Variants in TSPAN7 observed in about 807,000 individuals in gnomAD.
TSPAN7 encodes the protein tetraspanin-7.
A neutral mutation model predicts 17.6 loss-of-function variants in TSPAN7; 1 was observed. That is an observed-to-expected ratio of 0.06 (90% CI 0.02 to 0.27). The LOEUF is 0.27. Among genes scored for constraint, TSPAN7 ranks in the 10% least tolerant of loss-of-function variants. The pLI is 1.00. For synonymous variants in TSPAN7, 78 were observed against 79.0 expected (o/e 0.99, Z 0.07); for missense variants, 112 against 201.7 (o/e 0.56, Z 2.69).
chrX:38,568,087 G>A (rs1007154611), intron 1 of TSPAN7, among the ~76,000 whole-genome samples: 2 of 111,908 alleles, frequency 1.8e-5, no homozygotes, highest in South Asian at 7.4e-4. Context: ...CACTCAGTCT[G>A]TTCAAACACT....
At chrX:38,644,874 CCT>C (rs2069635794) in intron 1 of TSPAN7, among the ~76,000 whole-genome samples, 1 of 112,038 alleles carries the variant, frequency 8.9e-6, no homozygotes, top group Non-Finnish European at 1.9e-5. Context: ...TCATTGACTC[CCT>C]CTTACAGATG....
At chrX:38,655,980 C>G (rs1021279795) in intron 1 of TSPAN7, 4 of 323,582 alleles carry the variant, frequency 1.2e-5, no homozygotes, top group Non-Finnish European at 2.4e-5. Flanking sequence ...AAAATTGTTA[C>G]GATTCGTTTT....
chrX:38,570,300 T>G (rs1321132030), intron 1 of TSPAN7, among the ~76,000 whole-genome samples: 1 of 111,332 alleles, frequency 9.0e-6, no homozygotes, highest in Non-Finnish European at 1.9e-5. Context: ...TAATCTGGAG[T>G]TTTTTCTTAT....
chrX:38,678,892 A>G (rs2069871911), intron 5 of TSPAN7, among the ~76,000 whole-genome samples: 1 of 111,856 alleles, frequency 8.9e-6, no homozygotes, highest in African/African-American at 3.3e-5. Flanking sequence ...AAAATATGTC[A>G]AAAGCAATAA....
At chrX:38,580,771 G>A (rs1236922957) in intron 1 of TSPAN7, among the ~76,000 whole-genome samples, 2 of 111,770 alleles carry the variant, frequency 1.8e-5, no homozygotes, top group African/African-American at 6.5e-5. Context: ...GAGGTCCAGA[G>A]TGTGCCCCAA....
intron 1 of TSPAN7, among the ~76,000 whole-genome samples, chrX:38,603,448 C>A (rs1366712187): frequency 8.9e-6 from 1 of 112,163 alleles, no homozygotes; most frequent in Non-Finnish European, 1.9e-5. Flanking sequence ...CTTACAAACA[C>A]TTGTGTATAA....
chrX:38,681,999 C>T (rs1387365068), intron 6 of TSPAN7, among the ~76,000 whole-genome samples: 2 of 111,696 alleles, frequency 1.8e-5, no homozygotes, highest in African/African-American at 6.5e-5. Context: ...CTTCTGATCT[C>T]TCAGACAAAT....
At chrX:38,671,016 G>A (rs1387205652) in intron 2 of TSPAN7, among the ~76,000 whole-genome samples, 2 of 111,803 alleles carry the variant, frequency 1.8e-5, no homozygotes, top group African/African-American at 6.5e-5. Flanking sequence ...GTGACCTTCA[G>A]AGCAGTTTGG....
At chrX:38,680,787 C>T (rs1228506223) in intron 5 of TSPAN7, among the ~76,000 whole-genome samples, 1 of 111,429 alleles carries the variant, frequency 9.0e-6, no homozygotes, top group African/African-American at 3.3e-5. Flanking sequence ...ATTTCCTGTT[C>T]AAGGATGCGG....
intron 5 of TSPAN7, among the ~76,000 whole-genome samples, chrX:38,677,067 CT>C (rs769739357): frequency 1.6e-4 from 18 of 111,200 alleles, no homozygotes; most frequent in East Asian, 2.8e-4. Flanking sequence ...GTACCCAAGT[CT>C]TTTTTTTCCC....
rs375789972 is a variant in TSPAN7 at position 38,634,189 on chromosome X, A to T, written c.82-31932A>T. On this transcript the variant is annotated intron_variant, in intron 1 of 7. Transcript: ENST00000378482. The stretch of plus-strand genomic sequence containing the variant: ...TCTTAGTGCAAAGAAATAACTGACA[A>T]GAAAGTCCTTGAAGTTGGGTGCCTG... Among the ~76,000 whole-genome samples, 6 of 112,150 alleles carry T rather than the reference A, an allele frequency of 5.3e-5. No homozygotes were observed. The East Asian group carries it at 1.1e-3, about 21-fold the overall frequency.
At chrX:38,651,316 T>G (rs1042166529) in intron 1 of TSPAN7, among the ~76,000 whole-genome samples, 1 of 109,858 alleles carries the variant, frequency 9.1e-6, no homozygotes, top group Admixed American at 9.6e-5. Flanking sequence ...ATACAAAAAA[T>G]TAGCCGGGCG....
chrX:38,583,761 G>T (rs1464815742), intron 1 of TSPAN7, among the ~76,000 whole-genome samples: 1 of 110,125 alleles, frequency 9.1e-6, no homozygotes, highest in Non-Finnish European at 1.9e-5. Flanking sequence ...TTTGCTATTT[G>T]CTGACCATTG....
intron 1 of TSPAN7, among the ~76,000 whole-genome samples, chrX:38,571,784 T>C (rs781138294): frequency 1.6e-4 from 18 of 111,342 alleles, no homozygotes; most frequent in Non-Finnish European, 2.8e-4. Context: ...TCCTGGGATG[T>C]AGCTCTATGG....
At chrX:38,600,447 G>A (rs1329331892) in intron 1 of TSPAN7, among the ~76,000 whole-genome samples, 5 of 111,109 alleles carry the variant, frequency 4.5e-5, no homozygotes, top group African/African-American at 1.6e-4. Flanking sequence ...ATCTCACTTC[G>A]GGCTTACTGA....
intron 1 of TSPAN7, among the ~76,000 whole-genome samples, chrX:38,623,622 G>T (rs1432829600): frequency 4.8e-5 from 5 of 103,453 alleles, no homozygotes; most frequent in Non-Finnish European, 9.9e-5. Flanking sequence ...GTGAGTGAGG[G>T]TTTTTTTTGC....
At position 38,618,779 on chromosome X, in the gene TSPAN7, T is replaced by C. The variant is rs573011466; in HGVS notation, c.82-47342T>C. Among the ~76,000 whole-genome samples, 97 of 111,626 alleles carry C rather than the reference T, an allele frequency of 8.7e-4. 1 individual carries two copies. The highest frequency in any genetic ancestry group is 2.9e-3 in the African/African-American group (90 of 30,700). ...TGCTGTGTTAGGTCTAGGGGCTTCA[T>C]TGGACAATGGGCACAAATCCTGGCT... is the stretch of plus-strand genomic sequence containing the variant. On this transcript the variant is annotated intron_variant, in intron 1 of 7. Coordinates refer to ENST00000378482, the MANE Select transcript of TSPAN7 (RefSeq NM_004615.4).
At chrX:38,575,095 G>A (rs1270048467) in intron 1 of TSPAN7, among the ~76,000 whole-genome samples, 3 of 111,203 alleles carry the variant, frequency 2.7e-5, no homozygotes, top group Non-Finnish European at 5.7e-5. Context: ...GGAACTCAGG[G>A]CAATCTCTGG....
intron 1 of TSPAN7, among the ~76,000 whole-genome samples, chrX:38,585,474 A>C (rs1192618126): frequency 9.0e-6 from 1 of 111,711 alleles, no homozygotes; most frequent in Non-Finnish European, 1.9e-5. Context: ...AAGTTGAAAG[A>C]TTTTTGATTA....
Sources: allele counts gnomAD v4.1 joint callset (sites outside exome capture counted in the v4.1 genomes callset), GRCh38; gene constraint gnomAD v4.1.1; transcripts MANE v1.5; gene names NCBI Gene and HGNC (gene_info 2026-07-23, HGNC 2026-07-21).